OSBPL1A: variants seen among roughly 807,000 people sequenced by gnomAD.
The protein encoded by OSBPL1A is oxysterol binding protein like 1A, also known as oxysterol-binding protein-related protein 1.
In OSBPL1A, 80 loss-of-function variants were observed where a neutral mutation model predicts 137.1. The observed-to-expected ratio is 0.58, with a 90% CI of 0.49 to 0.70. OSBPL1A has a LOEUF of 0.70. OSBPL1A is among the 30% of genes least tolerant of loss of function. OSBPL1A has a pLI of 0.00. For synonymous variants in OSBPL1A, 365 were observed against 389.7 expected (o/e 0.94, Z 0.75); for missense variants, 970 against 1,129.4 (o/e 0.86, Z 2.02).
intron 15 of OSBPL1A, among the ~76,000 whole-genome samples, chr18:24,246,268 A>G (rs1377233894): frequency 6.6e-6 from 1 of 152,032 alleles, no homozygotes; most frequent in Non-Finnish European, 1.5e-5. Flanking sequence ...AAGAACTAAG[A>G]ATAAAGCCAC....
chr18:24,312,087 T>C lies in OSBPL1A; in HGVS notation c.989A>G (p.Glu330Gly). ...QSREDWLEAI[E>G]EHSAYSTHYC... ...GTGAGTGCTGTAAGCAGAATGTTCTTCTATTGCTTCCAGCCAGTCCTGAAA... is the reference window on the plus strand; with the variant it reads ...GTGAGTGCTGTAAGCAGAATGTTCTCCTATTGCTTCCAGCCAGTCCTGAAA... The change falls in exon 13 of 28, where the codon GAA (glutamate) becomes GGA (glycine). Residue 330 changes from glutamate to glycine, a missense_variant. Coordinates refer to ENST00000319481, the MANE Select transcript of OSBPL1A (RefSeq NM_080597.4). 6.2e-7 allele frequency: 1 copy of C among 1,614,006 alleles called. No homozygotes were observed. Among genetic ancestry groups the C allele is most frequent in the Non-Finnish European group, 8.5e-7 (1 of 1,179,928 alleles).
In OSBPL1A at chr18:24,318,800, G is replaced by C. The variant is rs1467193445; in HGVS notation, c.635C>G (p.Pro212Arg). 1.2e-6 allele frequency: 2 copies of C among 1,613,484 alleles called. No individual in the cohort carries two copies. Among genetic ancestry groups the C allele is most frequent in the Admixed American group, 3.3e-5 (2 of 60,002 alleles). Residue 212 changes from proline (P) to arginine (R), a missense_variant, in exon 8 of 28, where the codon CCT becomes CGT. By Grantham distance (103) the Pro-to-Arg change is moderately radical. Around this residue, in one of 2 missense-constraint regions of OSBPL1A, gnomAD observed 647 missense variants for 672.6 expected, o/e 0.96. Transcript: ENST00000319481. ...PNLKNKNDQKPLDLAQGAEMK... is the reference protein window; with the variant it reads ...PNLKNKNDQKRLDLAQGAEMK... The stretch of plus-strand genomic sequence containing the variant: ...TTCAGCACCCTGGGCAAGGTCAAGA[G>C]GTTTCTGATCTGTGCAAAATACAAA...
intron 16 of OSBPL1A, among the ~76,000 whole-genome samples, chr18:24,238,671 G>C (rs1273329570): frequency 2.6e-5 from 4 of 152,206 alleles, no homozygotes; most frequent in Non-Finnish European, 2.9e-5. Flanking sequence ...AGAAGCTCTG[G>C]AGTCCATGCT....
intron 15 of OSBPL1A, among the ~76,000 whole-genome samples, chr18:24,258,502 T>A (rs147309637): frequency 6.6e-6 from 1 of 152,218 alleles, no homozygotes; most frequent in Non-Finnish European, 1.5e-5. Context: ...GTTGGGGGAA[T>A]GTGGAGATGG....
chr18:24,294,381 G>A (rs998718699), intron 14 of OSBPL1A, among the ~76,000 whole-genome samples: 6 of 151,988 alleles, frequency 3.9e-5, no homozygotes, highest in Admixed American at 1.3e-4. Flanking sequence ...ACAGGTACCC[G>A]CCACCAGGCC....
intron 15 of OSBPL1A, chr18:24,272,145 T>TG: frequency 1.0e-6 from 1 of 983,694 alleles, no homozygotes; most frequent in Non-Finnish European, 1.2e-6. Context: ...GACTGCTCCT[T>TG]GGGCTCTACG....
chr18:24,164,933 C>T, intron 27 of OSBPL1A, 132 bp downstream of exon 27: 1 of 849,684 alleles, frequency 1.2e-6, no homozygotes, highest in Admixed American at 2.3e-5. Context: ...TTTTTTCAGG[C>T]CTGGGACAAC....
intron 14 of OSBPL1A, among the ~76,000 whole-genome samples, chr18:24,284,388 A>G (rs1053824333): frequency 1.3e-5 from 2 of 152,122 alleles, no homozygotes; most frequent in Non-Finnish European, 2.9e-5. Context: ...GATGCTGTTG[A>G]TTTTCAGGAA....
chr18:24,269,851 A>AAC (rs147895357), intron 15 of OSBPL1A, among the ~76,000 whole-genome samples: 3,139 of 140,040 alleles, frequency 0.022, 48 homozygotes, highest in East Asian at 0.035. Context: ...TGACAAGCCT[A>AAC]ACACACACAC....
chr18:24,227,145 A>G (rs143125139), intron 16 of OSBPL1A, among the ~76,000 whole-genome samples: 330 of 152,210 alleles, frequency 2.2e-3, no homozygotes, highest in African/African-American at 7.8e-3. Flanking sequence ...TGCCCACCTC[A>G]GCCTCCCAAA....
At chr18:24,302,230 T>A (rs2090415865) in intron 14 of OSBPL1A, among the ~76,000 whole-genome samples, 1 of 97,888 alleles carries the variant, frequency 1.0e-5, no homozygotes, top group Non-Finnish European at 2.0e-5. Context: ...CAAGACTCCA[T>A]CTCAAGAAAA....
At chr18:24,373,216 A>G (rs547667104) in intron 2 of OSBPL1A, among the ~76,000 whole-genome samples, 101 of 152,336 alleles carry the variant, frequency 6.6e-4, no homozygotes, top group African/African-American at 2.4e-3. Context: ...AGTATTTACA[A>G]AGAACAGTAC....
At chr18:24,257,754 T>C (rs2089326613) in intron 15 of OSBPL1A, among the ~76,000 whole-genome samples, 1 of 152,006 alleles carries the variant, frequency 6.6e-6, no homozygotes, top group Admixed American at 6.6e-5. Context: ...ATATACAGAA[T>C]ATATAAGGAG....
chr18:24,232,453 G>A (rs529171699), intron 16 of OSBPL1A, among the ~76,000 whole-genome samples: 4 of 152,220 alleles, frequency 2.6e-5, no homozygotes, highest in South Asian at 2.1e-4. Flanking sequence ...TAAAAGTACC[G>A]GCTCATCCCC....
intron 15 of OSBPL1A, among the ~76,000 whole-genome samples, chr18:24,255,616 A>G (rs2089249416): frequency 6.6e-6 from 1 of 152,036 alleles, no homozygotes; most frequent in Non-Finnish European, 1.5e-5. Flanking sequence ...GACCGAACCA[A>G]TGTTCATCTT....
intron 14 of OSBPL1A, among the ~76,000 whole-genome samples, chr18:24,284,725 T>C (rs1166518690): frequency 2.6e-5 from 4 of 152,240 alleles, no homozygotes; most frequent in Admixed American, 6.5e-5. Context: ...AATGTTTGTT[T>C]ACCTAAAAAC....
chr18:24,392,500 T>C (rs1276525986), intron 1 of OSBPL1A, among the ~76,000 whole-genome samples: 1 of 152,194 alleles, frequency 6.6e-6, no homozygotes, highest in Non-Finnish European at 1.5e-5. Context: ...TCAAAAATTA[T>C]TAAAAATATA....
chr18:24,297,784 T>C (rs1027893567), intron 14 of OSBPL1A, among the ~76,000 whole-genome samples: 5 of 152,234 alleles, frequency 3.3e-5, no homozygotes, highest in African/African-American at 1.2e-4. Context: ...TTCTTAAATT[T>C]ATTGAGACTT....
At chr18:24,216,797 C>T (rs760059206) in intron 17 of OSBPL1A, among the ~76,000 whole-genome samples, 3 of 151,670 alleles carry the variant, frequency 2.0e-5, no homozygotes, top group Admixed American at 6.6e-5. Context: ...CAGCTGTCTC[C>T]GAGGAATAAG....
Sources: gnomAD v4.1 joint callset for allele counts (sites outside exome capture counted in the v4.1 genomes callset) on GRCh38, gnomAD v4.1.1 for gene constraint, gnomAD v4.1.1 regional missense constraint, MANE v1.5 for transcripts, NCBI Gene and HGNC (gene_info 2026-07-23, HGNC 2026-07-21) for gene names.